Variants in NUP37 observed in about 807,000 individuals in gnomAD.
NUP37 encodes nucleoporin 37, also known as nucleoporin Nup37.
A neutral mutation model predicts 45.4 loss-of-function variants in NUP37; 33 were observed. That is an observed-to-expected ratio of 0.73 (90% CI 0.55 to 0.97). NUP37 has a LOEUF of 0.97. Among genes scored for constraint, NUP37 ranks in the 50% least tolerant of loss-of-function variants. The pLI is 0.00. For synonymous variants in NUP37, 127 were observed against 130.7 expected (o/e 0.97, Z 0.19); for missense variants, 365 against 389.7 (o/e 0.94, Z 0.53).
intron 2 of NUP37, chr12:102,116,010 C>G (rs1201308885): frequency 1.2e-5 from 2 of 162,778 alleles, no homozygotes; most frequent in African/African-American, 4.8e-5. Context: ...TACTATTGTC[C>G]AAATTAATAA....
chr12:102,096,611 C>T (rs1238215639), intron 5 of NUP37, among the ~76,000 whole-genome samples: 2 of 152,222 alleles, frequency 1.3e-5, no homozygotes, highest in East Asian at 3.9e-4. Flanking sequence ...TGGGTCTGCT[C>T]TTTACAGTAC....
intron 5 of NUP37, among the ~76,000 whole-genome samples, chr12:102,091,401 A>C: frequency 1.2e-5 from 1 of 86,682 alleles, no homozygotes; most frequent in Non-Finnish European, 2.5e-5. Context: ...CTCCGTCTCA[A>C]AAAAAAAAAA....
At chr12:102,100,460 A>C (rs1229532363) in intron 4 of NUP37, among the ~76,000 whole-genome samples, 1 of 152,192 alleles carries the variant, frequency 6.6e-6, no homozygotes, top group Non-Finnish European at 1.5e-5. Flanking sequence ...CATTATTCTA[A>C]GCGTTTTATA....
chr12:102,109,243 G>GA (rs1248549498), intron 3 of NUP37, among the ~76,000 whole-genome samples: 5 of 152,188 alleles, frequency 3.3e-5, no homozygotes, highest in Non-Finnish European at 7.4e-5. Flanking sequence ...GGAAAGAGTA[G>GA]AAAGGCAGGG....
intron 3 of NUP37, among the ~76,000 whole-genome samples, chr12:102,109,299 G>A (rs897584425): frequency 1.2e-4 from 18 of 152,168 alleles, no homozygotes; most frequent in African/African-American, 4.3e-4. Context: ...AAGCCATCAT[G>A]AAGGATTTCT....
intron 3 of NUP37, among the ~76,000 whole-genome samples, chr12:102,111,377 T>C (rs1211185072): frequency 6.6e-6 from 1 of 152,156 alleles, no homozygotes; most frequent in East Asian, 1.9e-4. Context: ...CAAATATACG[T>C]ATTTGTCAAA....
In NUP37 at chr12:102,074,531, C is replaced by T. The variant is rs1023175840; in HGVS notation, c.868-64G>A. On this transcript the variant is annotated intron_variant, in intron 9 of 9. Coordinates refer to ENST00000552283, the MANE Select transcript of NUP37 (RefSeq NM_024057.4). ...CCCCAAAATTAATAAATAAAAATGACTTTCAAAAATATGAAATGCATTGAT... is the reference window on the plus strand; with the variant it reads ...CCCCAAAATTAATAAATAAAAATGATTTTCAAAAATATGAAATGCATTGAT... 5.1e-6 allele frequency: 5 copies of T among 978,012 alleles called. No homozygotes were observed. The African/African-American group carries it at 8.3e-5, about 16-fold the overall frequency. The allele number at this position is 978,012 out of a possible 1,614,324, so 60.6% of individuals were successfully genotyped here.
chr12:102,088,396 C>T (rs80024875), intron 5 of NUP37, among the ~76,000 whole-genome samples: 6,516 of 152,054 alleles, frequency 0.043, 190 homozygotes, highest in South Asian at 0.076. Context: ...CTTAAATGTA[C>T]AATTCAAAGA....
intron 2 of NUP37, among the ~76,000 whole-genome samples, chr12:102,117,752 A>T (rs1880505611): frequency 1.3e-5 from 2 of 152,264 alleles, no homozygotes; most frequent in African/African-American, 4.8e-5. Flanking sequence ...TCATGTTTAC[A>T]GGAGATGCTA....
intron 6 of NUP37, among the ~76,000 whole-genome samples, chr12:102,078,251 G>A (rs1435534099): frequency 1.3e-5 from 2 of 151,682 alleles, no homozygotes; most frequent in Non-Finnish European, 2.9e-5. Flanking sequence ...GCTTGAATCC[G>A]AGAGGCAGAG....
intron 5 of NUP37, among the ~76,000 whole-genome samples, chr12:102,088,986 T>C (rs371712715): frequency 1.8e-4 from 27 of 152,316 alleles, no homozygotes; most frequent in African/African-American, 5.3e-4. Flanking sequence ...CATTTAACCC[T>C]GAGTTGACAC....
intron 3 of NUP37, among the ~76,000 whole-genome samples, chr12:102,103,899 G>C (rs1000154175): frequency 1.3e-5 from 2 of 152,154 alleles, no homozygotes; most frequent in African/African-American, 4.8e-5. Context: ...GAGCCCACAG[G>C]TAACATCATT....
At chr12:102,087,266 A>C (rs1879498338) in intron 5 of NUP37, among the ~76,000 whole-genome samples, 1 of 152,260 alleles carries the variant, frequency 6.6e-6, no homozygotes, top group Non-Finnish European at 1.5e-5. Context: ...AATTTATTTC[A>C]AAGAAAGTAG....
chr12:102,117,268 A>C (rs1880491045), intron 2 of NUP37, among the ~76,000 whole-genome samples: 1 of 151,914 alleles, frequency 6.6e-6, no homozygotes, highest in Non-Finnish European at 1.5e-5. Flanking sequence ...AGTCTGGCCA[A>C]CATCATGAAA....
At chr12:102,088,041 A>G (rs1879521892) in intron 5 of NUP37, among the ~76,000 whole-genome samples, 1 of 152,178 alleles carries the variant, frequency 6.6e-6, no homozygotes, top group Non-Finnish European at 1.5e-5. Flanking sequence ...ATTAGTTTTC[A>G]AGGGATTGGG....
intron 3 of NUP37, among the ~76,000 whole-genome samples, chr12:102,108,995 T>C (rs771333755): frequency 3.3e-5 from 5 of 152,196 alleles, no homozygotes; most frequent in Non-Finnish European, 5.9e-5. Flanking sequence ...GGAGTTACAG[T>C]AATCAAAGAA....
In NUP37 at chr12:102,074,159, TATAC is replaced by T; in HGVS notation, c.*191_*194del. On this transcript the variant is annotated 3_prime_UTR_variant, in exon 10 of 10. Coordinates refer to ENST00000552283, the MANE Select transcript of NUP37 (RefSeq NM_024057.4). ...TTTTGTAAGATTAAAAATATATATATATACACACACAGAGAACAGAGTAGAAAAA... is the reference window on the plus strand; with the variant it reads ...TTTTGTAAGATTAAAAATATATATATACACACAGAGAACAGAGTAGAAAAA... 8.6e-6 allele frequency: 3 copies of T among 350,444 alleles called. No individual in the cohort carries two copies. The highest frequency in any genetic ancestry group is 4.5e-5 in the Admixed American group (1 of 22,434). The allele number at this position is 350,444 out of a possible 1,614,324, so 21.7% of individuals were successfully genotyped here. A position where few individuals can be genotyped will look rare whatever the true frequency, so the allele number is the denominator to read the frequency against.
intron 6 of NUP37, among the ~76,000 whole-genome samples, chr12:102,078,156 C>T (rs1316699983): frequency 6.6e-6 from 1 of 150,588 alleles, no homozygotes; most frequent in Non-Finnish European, 1.5e-5. Context: ...GGTGAAACCC[C>T]GTCTCTACTA....
chr12:102,077,409 A>G lies in NUP37; in HGVS notation c.635T>C (p.Met212Thr). ...LSLESEQVPL[M>T]SAHWCLKNTF... ...GTTTTTTAAGCACCAGTGTGCTGAC[A>G]TTAATGGCACTTGTTCTGATTCAAG... The change falls in exon 7 of 10, where the codon ATG (methionine) becomes ACG (threonine). Residue 212 changes from methionine to threonine, a missense_variant. Met to Thr is a moderately conservative substitution (Grantham distance 81). Coordinates refer to ENST00000552283, the MANE Select transcript of NUP37 (RefSeq NM_024057.4). 1.9e-6 allele frequency: 3 copies of G among 1,614,182 alleles called. No homozygotes were observed. Among genetic ancestry groups the G allele is most frequent in the South Asian group, 1.1e-5 (1 of 91,086 alleles).
Sources: allele counts gnomAD v4.1 joint callset (sites outside exome capture counted in the v4.1 genomes callset), GRCh38; gene constraint gnomAD v4.1.1; transcripts MANE v1.5; gene names NCBI Gene and HGNC (gene_info 2026-07-23, HGNC 2026-07-21).